NPFFR2: variants seen among roughly 807,000 people sequenced by gnomAD.
NPFFR2 encodes the protein neuropeptide FF receptor 2, also known as G-protein coupled receptor 74.
A neutral mutation model predicts 13.1 loss-of-function variants in NPFFR2; 15 were observed. That is an observed-to-expected ratio of 1.15 (90% confidence interval 0.77 to 1.76). NPFFR2 has a LOEUF of 1.76. Among genes scored for constraint, NPFFR2 ranks in the 40% most tolerant of loss-of-function variants. NPFFR2 has a pLI of 0.00. For synonymous variants in NPFFR2, 190 were observed against 175.7 expected (o/e 1.08, Z -0.65); for missense variants, 572 against 503.5 (o/e 1.14, Z -1.30).
intron 1 of NPFFR2, among the ~76,000 whole-genome samples, chr4:72,064,893 C>T (rs893026208): frequency 1.3e-5 from 2 of 151,990 alleles, no homozygotes; most frequent in African/African-American, 4.8e-5. Flanking sequence ...TTCGAATGCC[C>T]ACGTGGTGGA....
rs908437652 is a variant in NPFFR2 at position 72,032,109 on chromosome 4, A to G, written c.-99A>G. ...GGGATTGAGCCGGCAGACTGCGAAA[A>G]GTAGCTGGAGCCGGAGCAGGGACAG... On this transcript the variant is annotated 5_prime_UTR_variant, in exon 1 of 4. Coordinates refer to ENST00000308744, the MANE Select transcript of NPFFR2 (RefSeq NM_004885.3). The G allele has an allele frequency of 6.2e-7, 1 of 1,614,122 alleles. No individual in the cohort carries two copies. The highest frequency in any genetic ancestry group is 1.3e-5 in the African/African-American group (1 of 75,068).
At chr4:72,146,048 TCA>T in intron 3 of NPFFR2, among the ~76,000 whole-genome samples, 1 of 152,296 alleles carries the variant, frequency 6.6e-6, no homozygotes, top group Admixed American at 6.5e-5. Context: ...AGGCTCATAA[TCA>T]GAACTCATAA....
chr4:72,064,127 T>A (rs961883781), intron 1 of NPFFR2, among the ~76,000 whole-genome samples: 2 of 152,230 alleles, frequency 1.3e-5, no homozygotes, highest in Non-Finnish European at 2.9e-5. Flanking sequence ...ATGATAGTAC[T>A]GATGGTATAT....
At position 72,147,562 on chromosome 4, in the gene NPFFR2, A is replaced by G. The variant is rs1168224863; in HGVS notation, c.1013A>G (p.Glu338Gly). The G allele has an allele frequency of 6.2e-7, 1 of 1,614,080 alleles. No individual in the cohort carries two copies. The highest frequency in any genetic ancestry group is 1.7e-5 in the Admixed American group (1 of 60,008). ...VNPIIYGFFN[E>G]NFRRGFQEAF... ...CCCATCATTTATGGTTTCTTCAACG[A>G]GAATTTCCGCCGTGGTTTCCAAGAA... is the stretch of plus-strand genomic sequence containing the variant. Residue 338 changes from glutamate to glycine, a missense_variant, in exon 4 of 4, where the codon GAG becomes GGG. Transcript: ENST00000308744.
intron 1 of NPFFR2, among the ~76,000 whole-genome samples, chr4:72,115,422 G>T (rs1353315857): frequency 6.6e-6 from 1 of 152,124 alleles, no homozygotes; most frequent in African/African-American, 2.4e-5. Context: ...TGTGAGGTTT[G>T]ATTATTAGAA....
intron 1 of NPFFR2, among the ~76,000 whole-genome samples, chr4:72,107,265 G>A (rs1721443325): frequency 6.6e-6 from 1 of 150,706 alleles, no homozygotes; most frequent in Admixed American, 6.7e-5. Flanking sequence ...GTACTTTTTT[G>A]TGTATTATAA....
intron 1 of NPFFR2, among the ~76,000 whole-genome samples, chr4:72,070,571 G>GGA (rs1560401600): frequency 1.5e-5 from 2 of 137,028 alleles, no homozygotes; most frequent in African/African-American, 5.9e-5. Flanking sequence ...GGGGGGGGGG[G>GGA]GTGGGGCTCT....
chr4:72,130,543 T>TA (rs1177808620), intron 2 of NPFFR2, among the ~76,000 whole-genome samples: 1 of 151,832 alleles, frequency 6.6e-6, no homozygotes, highest in Non-Finnish European at 1.5e-5. Context: ...TGTTTATCAT[T>TA]AAAAAAAAAT....
At chr4:72,100,984 A>G (rs1721230443) in intron 1 of NPFFR2, among the ~76,000 whole-genome samples, 1 of 151,718 alleles carries the variant, frequency 6.6e-6, no homozygotes. Context: ...AAATCATTCT[A>G]TTTTTTTTGT....
chr4:72,109,362 A>G (rs941296273), intron 1 of NPFFR2, among the ~76,000 whole-genome samples: 1 of 152,018 alleles, frequency 6.6e-6, no homozygotes, highest in Admixed American at 6.6e-5. Flanking sequence ...CATACCTCAT[A>G]TGAGTGGAAT....
At chr4:72,105,788 A>G (rs560543861) in intron 1 of NPFFR2, among the ~76,000 whole-genome samples, 1 of 152,188 alleles carries the variant, frequency 6.6e-6, no homozygotes, top group East Asian at 1.9e-4. Flanking sequence ...TTTCAGTACA[A>G]TTCCAATTTC....
chr4:72,134,263 C>A (rs1722341471), intron 2 of NPFFR2, among the ~76,000 whole-genome samples: 1 of 152,012 alleles, frequency 6.6e-6, no homozygotes, highest in Admixed American at 6.6e-5. Flanking sequence ...GAGACTGTCT[C>A]CAAAAATAAA....
intron 1 of NPFFR2, among the ~76,000 whole-genome samples, chr4:72,114,378 C>T (rs11723946): frequency 0.029 from 4,342 of 152,004 alleles, 100 homozygotes; most frequent in Non-Finnish European, 0.043. Context: ...TTGATTGGTA[C>T]CCCTATAAGA....
chr4:72,058,175 GTTTAT>G (rs1434356502), intron 1 of NPFFR2, among the ~76,000 whole-genome samples: 6 of 151,930 alleles, frequency 3.9e-5, no homozygotes, highest in African/African-American at 1.4e-4. Flanking sequence ...AGGAGAATGT[GTTTAT>G]TTTATGGGGA....
At position 72,128,715 on chromosome 4, in the gene NPFFR2, C is replaced by A. The variant is rs1722144217; in HGVS notation, c.124C>A (p.Pro42Thr). The change falls in exon 2 of 4, where the codon CCT becomes ACT. Residue 42 changes from proline (P) to threonine (T), a missense_variant. Coordinates refer to ENST00000308744, the MANE Select transcript of NPFFR2 (RefSeq NM_004885.3). ...ITYVNYYLHQPQVAAIFIISY... is the reference protein window; with the variant it reads ...ITYVNYYLHQTQVAAIFIISY... Reference sequence around the variant, plus strand: ...CTATGTGAACTACTATCTTCACCAGCCTCAAGTGGCAGCAATCTTCATTAT... The same window carrying A: ...CTATGTGAACTACTATCTTCACCAGACTCAAGTGGCAGCAATCTTCATTAT... 1 of 1,614,080 alleles carries A rather than the reference C, an allele frequency of 6.2e-7. No homozygotes were observed. The highest frequency in any genetic ancestry group is 8.5e-7 in the Non-Finnish European group (1 of 1,179,970).
intron 2 of NPFFR2, among the ~76,000 whole-genome samples, chr4:72,130,507 T>G (rs1722203173): frequency 6.6e-6 from 1 of 152,158 alleles, no homozygotes; most frequent in Non-Finnish European, 1.5e-5. Context: ...TACTTTACCT[T>G]ACTGCATAGA....
intron 1 of NPFFR2, among the ~76,000 whole-genome samples, chr4:72,103,126 A>G (rs1224245436): frequency 6.6e-6 from 1 of 152,124 alleles, no homozygotes; most frequent in African/African-American, 2.4e-5. Context: ...AGGAAATATT[A>G]TAGGCTGAAA....
intron 1 of NPFFR2, among the ~76,000 whole-genome samples, chr4:72,115,767 C>A (rs1721696704): frequency 1.3e-5 from 2 of 152,110 alleles, no homozygotes; most frequent in African/African-American, 4.8e-5. Flanking sequence ...CCTTTAAGAG[C>A]ACTCTTCTTT....
chr4:72,038,908 T>TTTTC (rs1719117269), intron 1 of NPFFR2, among the ~76,000 whole-genome samples: 1 of 109,134 alleles, frequency 9.2e-6, no homozygotes, highest in East Asian at 2.6e-4. Context: ...TTCCTTTCTT[T>TTTTC]TTTTTTTTTT....
Sources: gnomAD v4.1 joint callset for allele counts (sites outside exome capture counted in the v4.1 genomes callset) on GRCh38, gnomAD v4.1.1 for gene constraint, MANE v1.5 for transcripts, NCBI Gene and HGNC (gene_info 2026-07-23, HGNC 2026-07-21) for gene names.